RNF150: variants seen among roughly 807,000 people sequenced by gnomAD.
RNF150 encodes ring finger protein 150.
A neutral mutation model predicts 39.3 loss-of-function variants in RNF150; 24 were observed. The observed-to-expected ratio is 0.61, with a 90% CI of 0.44 to 0.86. The LOEUF (loss-of-function observed/expected upper bound fraction) is 0.86. Among genes scored for constraint, RNF150 ranks in the 40% least tolerant of loss-of-function variants. The pLI is 0.00. For missense variants in RNF150, 502 were observed against 587.8 expected (o/e 0.85, Z 1.51); for synonymous variants, 255 against 227.3 (o/e 1.12, Z -1.10).
Position 141,093,381 on chromosome 4 carries a change from G to T in RNF150, c.484+38944C>A, listed in dbSNP as rs535458513. Among the ~76,000 whole-genome samples, 342 of 151,256 alleles carry T rather than the reference G, an allele frequency of 2.3e-3. 3 individuals are homozygous for T. The highest frequency in any genetic ancestry group is 7.7e-3 in the African/African-American group (320 of 41,334). Reference sequence around the variant, plus strand: ...ACTCCATCTCAAAAAAAAAAAAAGGGGGGGGAAAGGGAACTGGTGTGAAGC... The same window carrying T: ...ACTCCATCTCAAAAAAAAAAAAAGGTGGGGGAAAGGGAACTGGTGTGAAGC... On this transcript the variant is annotated intron_variant, in intron 1 of 6. Coordinates refer to ENST00000515673, the MANE Select transcript of RNF150 (RefSeq NM_020724.2).
In RNF150 at chr4:141,094,113, A is replaced by T. The variant is rs191003586; in HGVS notation, c.484+38212T>A. Among the ~76,000 whole-genome samples the T allele has an allele frequency of 1.2e-3, 183 of 152,322 alleles. 1 individual carries two copies. In the Middle Eastern group the frequency reaches 0.02, roughly 17 times the overall value. ...GAGAAAATGTTGTAAATGTAGATGTAAAAAGAGGTTCAGAGAAATGGAATA... is the reference window on the plus strand; with the variant it reads ...GAGAAAATGTTGTAAATGTAGATGTTAAAAGAGGTTCAGAGAAATGGAATA... On this transcript the variant is annotated intron_variant, in intron 1 of 6. Transcript: ENST00000515673.
chr4:140,979,210 C>A (rs951261009), intron 1 of RNF150, among the ~76,000 whole-genome samples: 6 of 152,110 alleles, frequency 3.9e-5, no homozygotes, highest in Admixed American at 3.9e-4. Context: ...GTAAACAGAC[C>A]AAACCGTTGT....
At chr4:140,919,610 C>T (rs539048949) in intron 5 of RNF150, among the ~76,000 whole-genome samples, 11 of 150,118 alleles carry the variant, frequency 7.3e-5, no homozygotes, top group Admixed American at 1.3e-4. Context: ...GGCCATACTG[C>T]CCAAGGTAAT....
At chr4:141,115,895 G>A (rs1277781093) in intron 1 of RNF150, among the ~76,000 whole-genome samples, 1 of 152,180 alleles carries the variant, frequency 6.6e-6, no homozygotes, top group African/African-American at 2.4e-5. Flanking sequence ...ATGGGGACAG[G>A]ATTCCCTATT....
intron 1 of RNF150, among the ~76,000 whole-genome samples, chr4:141,113,014 T>C (rs986596366): frequency 6.6e-6 from 1 of 152,068 alleles, no homozygotes; most frequent in South Asian, 2.1e-4. Flanking sequence ...GCTTGATCTA[T>C]TTGGCTATTG....
At chr4:141,000,677 C>T (rs547263124) in intron 1 of RNF150, among the ~76,000 whole-genome samples, 2 of 152,266 alleles carry the variant, frequency 1.3e-5, no homozygotes, top group East Asian at 3.9e-4. Flanking sequence ...TTGTTCTTGG[C>T]ACACACTTAG....
intron 2 of RNF150, among the ~76,000 whole-genome samples, chr4:140,953,508 C>T (rs1732618231): frequency 9.2e-6 from 1 of 108,558 alleles, no homozygotes; most frequent in South Asian, 3.8e-4. Flanking sequence ...TGATATGGGA[C>T]CATGTAATAA....
chr4:141,107,464 T>C lies in RNF150; in HGVS notation c.484+24861A>G, dbSNP rs78046412. ...AGCTATTATGAGGCCAAGCTGTGAT[T>C]TGTGTCTGGGCAGTCTGGGTCTAGT... On this transcript the variant is annotated intron_variant, in intron 1 of 6. Coordinates refer to ENST00000515673, the MANE Select transcript of RNF150 (RefSeq NM_020724.2). Among the ~76,000 whole-genome samples, 358 of 152,342 alleles carry C rather than the reference T, an allele frequency of 2.3e-3. 8 individuals are homozygous for C. In the East Asian group the frequency reaches 0.058, roughly 25 times the overall value.
intron 1 of RNF150, among the ~76,000 whole-genome samples, chr4:140,983,689 GT>G (rs1221686239): frequency 6.6e-6 from 1 of 150,418 alleles, no homozygotes; most frequent in Non-Finnish European, 1.5e-5. Flanking sequence ...GGGTAAGAAA[GT>G]CTTTTTTCCT....
intron 1 of RNF150, among the ~76,000 whole-genome samples, chr4:141,167,316 AC>A (rs1727622701): frequency 2.4e-5 from 1 of 42,528 alleles, no homozygotes; most frequent in African/African-American, 6.5e-5. Flanking sequence ...AAGTGGAAAA[AC>A]AGTCCATGCT....
intron 1 of RNF150, among the ~76,000 whole-genome samples, chr4:141,114,216 C>T (rs1312699014): frequency 6.6e-6 from 1 of 151,886 alleles, no homozygotes; most frequent in African/African-American, 2.4e-5. Flanking sequence ...TTGATGAATC[C>T]AGGAGCTGGT....
chr4:141,002,670 T>G lies in RNF150; in HGVS notation c.485-34797A>C, dbSNP rs567014487. Among the ~76,000 whole-genome samples, 5 of 152,290 alleles carry G rather than the reference T, an allele frequency of 3.3e-5. No individual in the cohort carries two copies. In the East Asian group the frequency reaches 9.7e-4, roughly 29 times the overall value. ...CGCTGCATGCACCAAGAGACATGAC[T>G]ATGACTATGATTTGAACAGGGCCTG... is the stretch of plus-strand genomic sequence containing the variant. On this transcript the variant is annotated intron_variant, in intron 1 of 6. Coordinates refer to ENST00000515673, the MANE Select transcript of RNF150 (RefSeq NM_020724.2).
chr4:141,000,636 A>G (rs1734630116), intron 1 of RNF150, among the ~76,000 whole-genome samples: 1 of 152,122 alleles, frequency 6.6e-6, no homozygotes. Flanking sequence ...AGATGAATAT[A>G]ACTGCCTACA....
intron 1 of RNF150, among the ~76,000 whole-genome samples, chr4:141,165,336 C>T (rs897502711): frequency 1.7e-4 from 26 of 152,090 alleles, no homozygotes; most frequent in Admixed American, 5.2e-4. Context: ...TGCACTCCCA[C>T]GCAATAATAG....
intron 6 of RNF150, among the ~76,000 whole-genome samples, chr4:140,891,146 G>T (rs1417395800): frequency 6.6e-6 from 1 of 152,170 alleles, no homozygotes; most frequent in African/African-American, 2.4e-5. Context: ...ATTTGGCCAA[G>T]AATTGTTCTA....
chr4:140,993,504 T>C (rs1384093134), intron 1 of RNF150, among the ~76,000 whole-genome samples: 1 of 152,146 alleles, frequency 6.6e-6, no homozygotes, highest in Non-Finnish European at 1.5e-5. Context: ...CTGCCTCCCA[T>C]AGTGAAAGTA....
In RNF150 at chr4:140,868,018, A is replaced by G. The variant is rs369085850; in HGVS notation, c.*243T>C. 6.5e-6 allele frequency: 3 copies of G among 461,482 alleles called. No individual in the cohort carries two copies. Among genetic ancestry groups the G allele is most frequent in the Non-Finnish European group, 7.7e-6 (2 of 261,212 alleles). 28.6% of individuals were successfully genotyped at this position (461,482 alleles called of 1,614,324 possible). A position where few individuals can be genotyped will look rare whatever the true frequency, so the allele number is the denominator to read the frequency against. ...TTCTGAAGTGTATGTCTACATGGAC[A>G]TAGGAGTGGAAATCAGCTTTCAACT... On this transcript the variant is annotated 3_prime_UTR_variant, in exon 7 of 7. Coordinates refer to ENST00000515673, the MANE Select transcript of RNF150 (RefSeq NM_020724.2).
At chr4:140,935,572 C>T (rs1260386822) in intron 4 of RNF150, among the ~76,000 whole-genome samples, 1 of 152,190 alleles carries the variant, frequency 6.6e-6, no homozygotes, top group African/African-American at 2.4e-5. Flanking sequence ...ACTGCCATCT[C>T]TTTCATGTTC....
chr4:140,935,045 A>AT (rs56209918), intron 4 of RNF150, among the ~76,000 whole-genome samples: 22,518 of 43,086 alleles, frequency 0.52, 2,575 homozygotes, highest in East Asian at 0.67. Context: ...ATATATATAT[A>AT]AATATATATA....
Sources: gnomAD v4.1 joint callset for allele counts (sites outside exome capture counted in the v4.1 genomes callset) on GRCh38, gnomAD v4.1.1 for gene constraint, MANE v1.5 for transcripts, NCBI Gene and HGNC (gene_info 2026-07-23, HGNC 2026-07-21) for gene names.